The following FAM234B variants were observed in gnomAD, a reference collection of about 807,000 sequenced individuals.
FAM234B encodes protein FAM234B.
In FAM234B, 33 loss-of-function variants were observed where a neutral mutation model predicts 69.3. That is an observed-to-expected ratio of 0.48 (90% CI 0.36 to 0.64). The LOEUF (loss-of-function observed/expected upper bound fraction) is 0.64. Ranked by LOEUF, FAM234B falls within the 30% of genes least tolerant of loss-of-function variation. The probability of loss-of-function intolerance (pLI) is 0.00; values close to 1 mark genes in which losing one functional copy is unlikely to be tolerated. For missense variants in FAM234B, 697 were observed against 769.7 expected (o/e 0.91, Z 1.12); for synonymous variants, 306 against 306.9 (o/e 1.00, Z 0.03).
At position 13,080,958 on chromosome 12, in the gene FAM234B, C is replaced by G. The variant is rs1038305382; in HGVS notation, c.*328C>G. On this transcript the variant is annotated 3_prime_UTR_variant, in exon 13 of 13. Coordinates refer to ENST00000197268, the MANE Select transcript of FAM234B (RefSeq NM_020853.2). Reference sequence around the variant, plus strand: ...GTCTTGCTGGGAAAGCCAGTGAAGTCTATGACTAGGAAACATTTTGTTGTA... The same window carrying G: ...GTCTTGCTGGGAAAGCCAGTGAAGTGTATGACTAGGAAACATTTTGTTGTA... 6.6e-5 allele frequency: 18 copies of G among 274,042 alleles called. No homozygotes were observed. The highest frequency in any genetic ancestry group is 1.0e-3 in the Middle Eastern group (1 of 986). The allele number at this position is 274,042 out of a possible 1,614,324, so 17.0% of individuals were successfully genotyped here. A position where few individuals can be genotyped will look rare whatever the true frequency, so the allele number is the denominator to read the frequency against.
intron 2 of FAM234B, 130 bp from the exon 3 acceptor site, chr12:13,058,321 G>C (rs1864952394): frequency 1.4e-6 from 1 of 731,240 alleles, no homozygotes; most frequent in Non-Finnish European, 2.5e-6. Context: ...AGGGGGAGTA[G>C]GGAGAGGTGT....
intron 3 of FAM234B, 135 bp downstream of exon 3, chr12:13,058,684 G>A: frequency 1.4e-6 from 1 of 734,632 alleles, no homozygotes; most frequent in Non-Finnish European, 2.4e-6. Context: ...TGGCATACAT[G>A]AAAACCCTCA....
chr12:13,061,665 A>G lies in FAM234B; in HGVS notation c.623A>G (p.Asp208Gly), dbSNP rs1239058904. Reference protein sequence around the residue: ...WSSLLPEEARDITCLELMPGS... With the variant: ...WSSLLPEEARGITCLELMPGS... Reference sequence around the variant, plus strand: ...AGTCTTCTCCCTGAGGAGGCTCGAGATATCACATGTTTGGAGCTGATGCCA... The same window carrying G: ...AGTCTTCTCCCTGAGGAGGCTCGAGGTATCACATGTTTGGAGCTGATGCCA... Residue 208 changes from aspartate to glycine, a missense_variant, in exon 4 of 13, where the codon GAT becomes GGT. This residue lies in a region of FAM234B where 380 missense variants were observed against 447.1 expected (regional missense o/e 0.85). Coordinates refer to ENST00000197268, the MANE Select transcript of FAM234B (RefSeq NM_020853.2). 9 of 1,614,068 alleles carry G rather than the reference A, an allele frequency of 5.6e-6. No homozygotes were observed. The South Asian group carries it at 9.9e-5, about 18-fold the overall frequency.
intron 10 of FAM234B, among the ~76,000 whole-genome samples, chr12:13,071,981 A>AC (rs1865111326): frequency 6.6e-6 from 1 of 152,184 alleles, no homozygotes; most frequent in African/African-American, 2.4e-5. Context: ...GCAGGGTGCT[A>AC]CCTGTTTTAG....
intron 1 of FAM234B, among the ~76,000 whole-genome samples, chr12:13,050,493 G>T (rs1212361348): frequency 1.3e-5 from 2 of 152,238 alleles, no homozygotes; most frequent in East Asian, 3.9e-4. Context: ...GGTGTTGAAT[G>T]GGGCTCATTG....
chr12:13,048,159 T>A (rs1224374020), intron 1 of FAM234B, among the ~76,000 whole-genome samples: 1 of 152,230 alleles, frequency 6.6e-6, no homozygotes, highest in Admixed American at 6.5e-5. Context: ...TTCGGTGATG[T>A]CATGGCTGGG....
intron 3 of FAM234B, among the ~76,000 whole-genome samples, chr12:13,060,340 T>G (rs150921510): frequency 2.0e-5 from 3 of 152,226 alleles, no homozygotes; most frequent in Non-Finnish European, 4.4e-5. Context: ...TGATACTAAC[T>G]GTGCGGCAGC....
intron 11 of FAM234B, among the ~76,000 whole-genome samples, chr12:13,078,801 A>T (rs1490323934): frequency 6.6e-6 from 1 of 152,196 alleles, no homozygotes; most frequent in Non-Finnish European, 1.5e-5. Flanking sequence ...TGCTTCAAAG[A>T]GAATAAAAGA....
intron 1 of FAM234B, among the ~76,000 whole-genome samples, chr12:13,046,338 T>G (rs752747839): frequency 4.5e-4 from 68 of 152,190 alleles, no homozygotes; most frequent in Non-Finnish European, 8.8e-5. Context: ...GTACAAGTTG[T>G]TTTTATATAG....
chr12:13,076,200 G>C, intron 11 of FAM234B, 57 bp downstream of exon 11: 3 of 1,321,400 alleles, frequency 2.3e-6, no homozygotes, highest in Non-Finnish European at 3.3e-6. Flanking sequence ...AGTATGTGTT[G>C]GCTGTGTGTA....
chr12:13,064,786 G>A (rs538689765), intron 5 of FAM234B, among the ~76,000 whole-genome samples: 25 of 152,266 alleles, frequency 1.6e-4, no homozygotes, highest in African/African-American at 5.8e-4. Flanking sequence ...GGGACCCCAG[G>A]AACCTGTATA....
intron 1 of FAM234B, among the ~76,000 whole-genome samples, chr12:13,052,437 A>T (rs200343390): frequency 6.8e-6 from 1 of 147,764 alleles, no homozygotes; most frequent in Admixed American, 6.7e-5. Context: ...ATATATATAT[A>T]TTTAAACATT....
chr12:13,077,954 T>C (rs1293952597), intron 11 of FAM234B, among the ~76,000 whole-genome samples: 8 of 151,782 alleles, frequency 5.3e-5, no homozygotes, highest in South Asian at 4.2e-4. Context: ...TTTTAATGAT[T>C]GCCATTCTAA....
intron 4 of FAM234B, chr12:13,062,493 C>T (rs893145542): frequency 3.6e-5 from 6 of 164,994 alleles, no homozygotes; most frequent in African/African-American, 7.2e-5. Flanking sequence ...GTGGTCTGGT[C>T]GGCTGCCCCT....
chr12:13,069,560 A>G (rs1434997997), intron 9 of FAM234B, among the ~76,000 whole-genome samples: 4 of 152,214 alleles, frequency 2.6e-5, no homozygotes, highest in African/African-American at 9.6e-5. Context: ...GGAGGTTCGC[A>G]CAGGGGTCCA....
intron 5 of FAM234B, 31 bp from the exon 6 acceptor site, chr12:13,066,609 T>G: frequency 6.3e-7 from 1 of 1,590,178 alleles, no homozygotes. Context: ...AGGGCTTCTA[T>G]TGACTCCACC....
chr12:13,071,161 G>A, intron 9 of FAM234B, 80 bp from the exon 10 acceptor site: 2 of 1,440,260 alleles, frequency 1.4e-6, no homozygotes, highest in Non-Finnish European at 1.9e-6. Context: ...GAATACCTGT[G>A]CATTTTTGTG....
rs189971645 is a variant in FAM234B, at chr12:13,080,976, T to C, written c.*346T>C. ...GTGAAGTCTATGACTAGGAAACATT[T>C]TGTTGTACATTGTGCTGTGTGTGTG... On this transcript the variant is annotated 3_prime_UTR_variant, in exon 13 of 13. Transcript: ENST00000197268. 9 of 236,092 alleles carry C rather than the reference T, an allele frequency of 3.8e-5. No individual in the cohort carries two copies. The highest frequency in any genetic ancestry group is 6.5e-5 in the Non-Finnish European group (8 of 123,144). 14.6% of individuals were successfully genotyped at this position (236,092 alleles called of 1,614,324 possible).
chr12:13,056,998 G>A (rs1288640168), intron 2 of FAM234B, among the ~76,000 whole-genome samples: 5 of 128,584 alleles, frequency 3.9e-5, no homozygotes, highest in South Asian at 2.4e-4. Context: ...TTTTTTTTGC[G>A]ACAGAGTCTT....
Sources: gnomAD v4.1 joint callset for allele counts (sites outside exome capture counted in the v4.1 genomes callset) on GRCh38, gnomAD v4.1.1 for gene constraint, gnomAD v4.1.1 regional missense constraint, MANE v1.5 for transcripts, NCBI Gene and HGNC (gene_info 2026-07-23, HGNC 2026-07-21) for gene names.